Variants in ANKS1B observed in about 807,000 individuals in gnomAD.
The protein encoded by ANKS1B is ankyrin repeat and sterile alpha motif domain containing 1B.
Under a neutral mutation model 148.3 loss-of-function variants are expected in ANKS1B, and 36 were observed. The ratio of observed to expected loss-of-function variants is 0.24; its 90% CI spans 0.19 to 0.32. The LOEUF is 0.32. Ranked by LOEUF, ANKS1B falls within the 10% of genes least tolerant of loss-of-function variation. The pLI, the probability that ANKS1B is intolerant of heterozygous loss-of-function variation, is 1.00. For missense variants in ANKS1B, 1,157 were observed against 1,542.6 expected (o/e 0.75, Z 4.19); for synonymous variants, 542 against 560.8 (o/e 0.97, Z 0.47).
At chr12:99,067,247 G>A (rs1450811819) in intron 16 of ANKS1B, among the ~76,000 whole-genome samples, 1 of 152,220 alleles carries the variant, frequency 6.6e-6, no homozygotes. Context: ...TCAACATTGG[G>A]CACCAGCAGT....
intron 17 of ANKS1B, among the ~76,000 whole-genome samples, chr12:98,922,802 A>G (rs990950346): frequency 7.9e-5 from 12 of 152,128 alleles, no homozygotes; most frequent in Non-Finnish European, 1.5e-4. Context: ...CCTGGCTCTT[A>G]AGGGCTTAAT....
chr12:98,844,517 C>T (rs1040316283), intron 17 of ANKS1B, among the ~76,000 whole-genome samples: 2 of 152,162 alleles, frequency 1.3e-5, no homozygotes, highest in African/African-American at 4.8e-5. Context: ...TTTTGCCAAA[C>T]TTTATTGACT....
At chr12:98,764,773 CA>C (rs2098458801) in intron 25 of ANKS1B, among the ~76,000 whole-genome samples, 3 of 152,236 alleles carry the variant, frequency 2.0e-5, no homozygotes, top group Admixed American at 6.5e-5. Flanking sequence ...TTCACTCACA[CA>C]GACTAAGTGT....
intron 17 of ANKS1B, among the ~76,000 whole-genome samples, chr12:99,022,044 T>C (rs1008906600): frequency 1.3e-5 from 2 of 152,162 alleles, no homozygotes; most frequent in African/African-American, 4.8e-5. Context: ...AATTTGTGTA[T>C]AGATTCTTTT....
intron 17 of ANKS1B, among the ~76,000 whole-genome samples, chr12:98,934,119 G>T (rs2099816304): frequency 6.6e-6 from 1 of 152,068 alleles, no homozygotes; most frequent in Admixed American, 6.5e-5. Context: ...TTTTCTTCTA[G>T]CAGGTTTACA....
chr12:99,637,552 A>T (rs973365176), intron 9 of ANKS1B, among the ~76,000 whole-genome samples: 1 of 152,138 alleles, frequency 6.6e-6, no homozygotes, highest in Non-Finnish European at 1.5e-5. Context: ...GGCAGGCGCA[A>T]TCTAATCAGC....
intron 25 of ANKS1B, among the ~76,000 whole-genome samples, chr12:98,765,436 G>C (rs1362579092): frequency 1.3e-5 from 2 of 151,656 alleles, no homozygotes; most frequent in African/African-American, 4.9e-5. Context: ...GCTAATTTTT[G>C]TATTTTTAGT....
At chr12:99,213,088 T>G (rs1028260801) in intron 14 of ANKS1B, among the ~76,000 whole-genome samples, 4 of 152,228 alleles carry the variant, frequency 2.6e-5, no homozygotes, top group Admixed American at 2.0e-4. Flanking sequence ...TATGGAAGTT[T>G]CTGCTATTTC....
intron 14 of ANKS1B, among the ~76,000 whole-genome samples, chr12:99,208,061 T>G (rs143472547): frequency 3.4e-4 from 52 of 152,136 alleles, no homozygotes; most frequent in African/African-American, 1.1e-3. Flanking sequence ...CTGGAATTAT[T>G]GATCTGTTCT....
chr12:99,917,053 G>C (rs1452972493), intron 1 of ANKS1B, among the ~76,000 whole-genome samples: 1 of 152,194 alleles, frequency 6.6e-6, no homozygotes, highest in Admixed American at 6.5e-5. Context: ...AAGGACAGTG[G>C]TGAAAGGAAA....
intron 9 of ANKS1B, among the ~76,000 whole-genome samples, chr12:99,527,891 A>C (rs1236457759): frequency 6.6e-6 from 1 of 152,132 alleles, no homozygotes; most frequent in African/African-American, 2.4e-5. Context: ...ACCAAAAAAA[A>C]AAAAATGGCC....
intron 9 of ANKS1B, among the ~76,000 whole-genome samples, chr12:98,735,947 C>T (rs964225138): frequency 1.1e-4 from 17 of 152,110 alleles, no homozygotes; most frequent in East Asian, 1.9e-4. Context: ...ATGCATCTGT[C>T]GGGAAACCAT....
At position 99,716,070 on chromosome 12, in the gene ANKS1B, G is replaced by A. The variant is rs142849078; in HGVS notation, c.1128+56852C>T. The stretch of plus-strand genomic sequence containing the variant: ...AGCAGCAAGTCCCGCTTTTCTGGGG[G>A]AGGGGCAAAAACCACAACCCCTTCT... On this transcript the variant is annotated intron_variant, in intron 8 of 26. Transcript: ENST00000683438. 1.3e-4 allele frequency among the ~76,000 whole-genome samples: 20 copies of A among 152,138 alleles called. No homozygotes were observed. The East Asian group carries it at 3.9e-3, about 30-fold the overall frequency.
intron 1 of ANKS1B, among the ~76,000 whole-genome samples, chr12:99,844,236 C>G (rs2086242544): frequency 6.6e-6 from 1 of 151,752 alleles, no homozygotes; most frequent in East Asian, 1.9e-4. Context: ...TGTGCAGAAG[C>G]TGTTTAACTC....
At chr12:99,737,526 C>G (rs2059721373) in intron 8 of ANKS1B, among the ~76,000 whole-genome samples, 1 of 152,076 alleles carries the variant, frequency 6.6e-6, no homozygotes, top group Non-Finnish European at 1.5e-5. Context: ...CTCCTTCCCA[C>G]TTCTTTTCCC....
chr12:99,200,270 TTA>T (rs1359683662), intron 14 of ANKS1B, among the ~76,000 whole-genome samples: 2 of 152,206 alleles, frequency 1.3e-5, no homozygotes, highest in Non-Finnish European at 2.9e-5. Flanking sequence ...GATAAAATAT[TTA>T]TGATTTTGAG....
At chr12:99,311,635 G>A (rs1418769582) in intron 12 of ANKS1B, among the ~76,000 whole-genome samples, 1 of 152,048 alleles carries the variant, frequency 6.6e-6, no homozygotes, top group African/African-American at 2.4e-5. Context: ...AAAGTGCCCA[G>A]GAAGCTGGAT....
At position 98,904,854 on chromosome 12, in the gene ANKS1B, G is replaced by A. The variant is rs1374760397; in HGVS notation, c.2779-72718C>T. On this transcript the variant is annotated intron_variant, in intron 17 of 26. Transcript: ENST00000683438. ...ATGTAGGATTATTATTATTATTTCAGTATCACTTTTTTTTTTTCCCAAATG... is the reference window on the plus strand; with the variant it reads ...ATGTAGGATTATTATTATTATTTCAATATCACTTTTTTTTTTTCCCAAATG... Among the ~76,000 whole-genome samples, 5 of 107,696 alleles carry A rather than the reference G, an allele frequency of 4.6e-5. No homozygotes were observed. The Admixed American group carries it at 4.7e-4, about 10-fold the overall frequency. 70.7% of individuals were successfully genotyped at this position (107,696 alleles called of 152,430 possible).
rs118154122 is a variant in ANKS1B, at chr12:99,584,418, G to A, written c.1272+70649C>T. ...AGTTTGAGATGAGCCTGGTCAACAT[G>A]GTGAAACTCCGTCTCAATGAAAAAT... On this transcript the variant is annotated intron_variant, in intron 9 of 26. Coordinates refer to ENST00000683438, the MANE Select transcript of ANKS1B (RefSeq NM_001352186.2). Among the ~76,000 whole-genome samples, 25 of 152,138 alleles carry A rather than the reference G, an allele frequency of 1.6e-4. No individual in the cohort carries two copies. The East Asian group carries it at 4.4e-3, about 27-fold the overall frequency.
Sources: allele counts gnomAD v4.1 joint callset (sites outside exome capture counted in the v4.1 genomes callset), GRCh38; gene constraint gnomAD v4.1.1; transcripts MANE v1.5; gene names NCBI Gene and HGNC (gene_info 2026-07-23, HGNC 2026-07-21).